TULP4: variants seen among roughly 807,000 people sequenced by gnomAD.
TULP4 encodes TUB like protein 4.
Under a neutral mutation model 129.0 loss-of-function variants are expected in TULP4, and 16 were observed. The ratio of observed to expected loss-of-function variants is 0.12; its 90% CI spans 0.08 to 0.19. The LOEUF (loss-of-function observed/expected upper bound fraction) is 0.19, where lower values mean the gene tolerates loss of function less well. TULP4 is among the 10% of genes least tolerant of loss of function. The probability of loss-of-function intolerance (pLI) is 1.00; values close to 1 mark genes in which losing one functional copy is unlikely to be tolerated. For missense variants in TULP4, 1,842 were observed against 2,059.1 expected, an observed-to-expected ratio of 0.89 and a Z score of 2.04; for synonymous variants, 998 against 854.0, an observed-to-expected ratio of 1.17 and a Z score of -2.94.
At chr6:158,377,955 C>A (rs1473608720) in intron 1 of TULP4, among the ~76,000 whole-genome samples, 1 of 152,136 alleles carries the variant, frequency 6.6e-6, no homozygotes, top group African/African-American at 2.4e-5. Context: ...CTCAGCTAGA[C>A]TCAGTTATGT....
intron 1 of TULP4, among the ~76,000 whole-genome samples, chr6:158,410,309 A>G (rs915319412): frequency 2.0e-5 from 3 of 152,194 alleles, no homozygotes; most frequent in African/African-American, 7.2e-5. Context: ...TGTTTGTGTC[A>G]TGCTGTGACT....
intron 1 of TULP4, among the ~76,000 whole-genome samples, chr6:158,406,179 T>C (rs983803971): frequency 6.6e-6 from 1 of 152,156 alleles, no homozygotes; most frequent in Non-Finnish European, 1.5e-5. Flanking sequence ...AGACAGAGCC[T>C]CTTGGACCCT....
chr6:158,245,331 T>C (rs940513030), intron 1 of TULP4, among the ~76,000 whole-genome samples: 1 of 151,960 alleles, frequency 6.6e-6, no homozygotes, highest in African/African-American at 2.4e-5. Context: ...TTGAAATGAT[T>C]TGGTAAAGTT....
chr6:158,274,283 A>G (rs1417975229), intron 1 of TULP4, among the ~76,000 whole-genome samples: 2 of 150,954 alleles, frequency 1.3e-5, no homozygotes, highest in African/African-American at 4.9e-5. Flanking sequence ...AAACAAAACA[A>G]AACACCACAC....
At chr6:158,477,032 T>C (rs142046549) in intron 6 of TULP4, among the ~76,000 whole-genome samples, 36 of 152,298 alleles carry the variant, frequency 2.4e-4, no homozygotes, top group African/African-American at 8.7e-4. Context: ...GTAGAACGGA[T>C]GCAGTGAATT....
At chr6:158,264,075 A>C (rs143531197) in intron 1 of TULP4, among the ~76,000 whole-genome samples, 13 of 152,274 alleles carry the variant, frequency 8.5e-5, no homozygotes, top group African/African-American at 2.9e-4. Context: ...AAACAAAAAA[A>C]CAAAACAAAA....
chr6:158,443,796 A>C (rs1331261439), intron 3 of TULP4, among the ~76,000 whole-genome samples: 2 of 152,166 alleles, frequency 1.3e-5, no homozygotes. Context: ...ATATTCTGTT[A>C]ATCAATTGAG....
chr6:158,499,965 A>G lies in TULP4; in HGVS notation c.2014+1153A>G, dbSNP rs564118816. Among the ~76,000 whole-genome samples the G allele has an allele frequency of 2.1e-4, 32 of 152,328 alleles. No individual in the cohort carries two copies. In the East Asian group the frequency reaches 6.0e-3, roughly 28 times the overall value. On this transcript the variant is annotated intron_variant, in intron 12 of 13. Coordinates refer to ENST00000367097, the MANE Select transcript of TULP4 (RefSeq NM_020245.5). ...AGGCTTATGTGGTCCTAATAGGCCA[A>G]GCTTACAGCCACATAAATACCTGTA...
chr6:158,361,474 C>G (rs189667733), intron 1 of TULP4, among the ~76,000 whole-genome samples: 10 of 152,138 alleles, frequency 6.6e-5, no homozygotes, highest in Non-Finnish European at 1.2e-4. Flanking sequence ...CTCAAAAGCC[C>G]GTTTAACCAA....
At chr6:158,299,582 T>C (rs538999979) in intron 1 of TULP4, among the ~76,000 whole-genome samples, 1 of 152,110 alleles carries the variant, frequency 6.6e-6, no homozygotes. Flanking sequence ...AGTTTCTAGA[T>C]GGATACAACC....
At chr6:158,489,785 G>A in intron 9 of TULP4, 53 bp downstream of exon 9, 1 of 1,603,500 alleles carries the variant, frequency 6.2e-7, no homozygotes. Context: ...GAATATGTGT[G>A]TTTGTGCCTG....
At chr6:158,394,655 C>A (rs960959330) in intron 1 of TULP4, among the ~76,000 whole-genome samples, 2 of 151,330 alleles carry the variant, frequency 1.3e-5, no homozygotes, top group Non-Finnish European at 1.5e-5. Context: ...GACGTGGTGG[C>A]GGGCGCCTGT....
intron 11 of TULP4, 131 bp downstream of exon 11, chr6:158,494,977 A>G (rs1582879260): frequency 3.0e-6 from 2 of 671,716 alleles, no homozygotes; most frequent in East Asian, 2.9e-5. Context: ...TTTTACCTCT[A>G]AACCTTAACT....
rs1489702001 is a variant in TULP4, at chr6:158,405,344, GAA to G, written c.253-7718_253-7717del. ...AAGTCCAGCGGAGTCAAAGGAATTA[GAA>G]AAGACAGTTTGAGAGAGAAAGTGGG... On this transcript the variant is annotated intron_variant, in intron 1 of 13. Coordinates refer to ENST00000367097, the MANE Select transcript of TULP4 (RefSeq NM_020245.5). 2.0e-5 allele frequency among the ~76,000 whole-genome samples: 3 copies of G among 152,332 alleles called. No homozygotes were observed. In the East Asian group the frequency reaches 5.8e-4, roughly 29 times the overall value.
At chr6:158,274,584 G>C (rs1469273855) in intron 1 of TULP4, among the ~76,000 whole-genome samples, 3 of 152,154 alleles carry the variant, frequency 2.0e-5, no homozygotes, top group Non-Finnish European at 4.4e-5. Context: ...AGACCATCCT[G>C]GCTAACACGT....
At chr6:158,467,510 T>C (rs1292233517) in intron 6 of TULP4, among the ~76,000 whole-genome samples, 1 of 152,072 alleles carries the variant, frequency 6.6e-6, no homozygotes, top group East Asian at 1.9e-4. Context: ...CTTGAACTCC[T>C]GACCTCGTGA....
intron 1 of TULP4, among the ~76,000 whole-genome samples, chr6:158,363,822 C>G (rs761310250): frequency 3.3e-5 from 5 of 151,780 alleles, no homozygotes; most frequent in Non-Finnish European, 5.9e-5. Context: ...TGTATGCATA[C>G]AGTTGCCATT....
intron 1 of TULP4, among the ~76,000 whole-genome samples, chr6:158,410,098 C>T (rs554824566): frequency 1.3e-5 from 2 of 152,294 alleles, no homozygotes; most frequent in East Asian, 3.9e-4. Context: ...TCGTCATCTG[C>T]CCTCCTCTGC....
At chr6:158,353,456 T>C (rs530576166) in intron 1 of TULP4, among the ~76,000 whole-genome samples, 32 of 152,360 alleles carry the variant, frequency 2.1e-4, no homozygotes, top group African/African-American at 7.7e-4. Flanking sequence ...ATGTATAATT[T>C]TTTGAAATTT....
Sources: gnomAD v4.1 joint callset for allele counts (sites outside exome capture counted in the v4.1 genomes callset) on GRCh38, gnomAD v4.1.1 for gene constraint, MANE v1.5 for transcripts, NCBI Gene and HGNC (gene_info 2026-07-23, HGNC 2026-07-21) for gene names.